Variants in STK32B observed in about 807,000 individuals in gnomAD.
STK32B encodes serine/threonine-protein kinase 32B.
Under a neutral mutation model 52.6 loss-of-function variants are expected in STK32B, and 43 were observed. That is an observed-to-expected ratio of 0.82 (90% CI 0.64 to 1.05). STK32B has a LOEUF of 1.05. Among genes scored for constraint, STK32B ranks in the 50% least tolerant of loss-of-function variants. The pLI, the probability that STK32B is intolerant of heterozygous loss-of-function variation, is 0.00. For synonymous variants in STK32B, 238 were observed against 204.3 expected (o/e 1.17, Z -1.41); for missense variants, 621 against 534.6 (o/e 1.16, Z -1.59).
intron 4 of STK32B, among the ~76,000 whole-genome samples, chr4:5,365,865 A>G (rs553270365): frequency 7.2e-5 from 11 of 152,324 alleles, no homozygotes; most frequent in African/African-American, 2.6e-4. Context: ...GCTGTTAACA[A>G]TCAGGCCGAG....
chr4:5,331,287 TA>T lies in STK32B; in HGVS notation c.329del (p.Tyr110SerfsTer14). Reference protein sequence around the residue: ...VDLLLGGDLRYHLQQNVHFTE... With the variant: ...VDLLLGGDLRXHLQQNVHFTE... ...CCTGCTCCTGGGAGGCGACCTGCGC[TA>T]CCATCTGCAGCAGAATGTGCATTTC... On this transcript the variant is annotated frameshift_variant, in exon 4 of 12. Transcript: ENST00000282908. LOFTEE classifies it high-confidence loss of function. The T allele has an allele frequency of 6.2e-7, 1 of 1,614,020 alleles. No individual in the cohort carries two copies.
In STK32B at chr4:5,392,267, A is replaced by C. The variant is rs530616227; in HGVS notation, c.435-5940A>C. Among the ~76,000 whole-genome samples, 7 of 152,218 alleles carry C rather than the reference A, an allele frequency of 4.6e-5. No homozygotes were observed. The East Asian group carries it at 1.4e-3, about 29-fold the overall frequency. On this transcript the variant is annotated intron_variant, in intron 4 of 11. Transcript: ENST00000282908. The stretch of plus-strand genomic sequence containing the variant: ...ATGGTGATACGCCGTCTCTACTAAA[A>C]ATACAAAATTTAGTCAGGTGTGGTG...
chr4:5,289,308 T>A (rs1369161207), intron 3 of STK32B, among the ~76,000 whole-genome samples: 1 of 152,010 alleles, frequency 6.6e-6, no homozygotes, highest in African/African-American at 2.4e-5. Context: ...GTGAATGGAG[T>A]TGGCAGGCCT....
In STK32B at chr4:5,312,460, C is replaced by G. The variant is rs1007129290; in HGVS notation, c.261-18760C>G. Among the ~76,000 whole-genome samples, 10 of 150,130 alleles carry G rather than the reference C, an allele frequency of 6.7e-5. 1 individual carries two copies. The highest frequency in any genetic ancestry group is 1.2e-4 in the Non-Finnish European group (8 of 67,550). ...CCCTCCCCACACCCCACAACAGTCCCCAGAGTGTGATGTTCCCCTTCCTGC... is the reference window on the plus strand; with the variant it reads ...CCCTCCCCACACCCCACAACAGTCCGCAGAGTGTGATGTTCCCCTTCCTGC... On this transcript the variant is annotated intron_variant, in intron 3 of 11. Coordinates refer to ENST00000282908, the MANE Select transcript of STK32B (RefSeq NM_018401.3).
intron 3 of STK32B, among the ~76,000 whole-genome samples, chr4:5,215,581 T>C (rs1430206101): frequency 6.6e-6 from 1 of 152,176 alleles, no homozygotes; most frequent in Non-Finnish European, 1.5e-5. Flanking sequence ...TGGAATTAAC[T>C]GGGTTTTTTA....
chr4:5,110,335 A>C (rs989679603), intron 1 of STK32B, among the ~76,000 whole-genome samples: 1 of 151,720 alleles, frequency 6.6e-6, no homozygotes, highest in Non-Finnish European at 1.5e-5. Flanking sequence ...ACAAATCTAG[A>C]GACATCACAT....
intron 4 of STK32B, among the ~76,000 whole-genome samples, chr4:5,361,715 A>C (rs139001586): frequency 6.6e-6 from 1 of 152,246 alleles, no homozygotes; most frequent in Admixed American, 6.5e-5. Context: ...CTGGACTAGA[A>C]TTCTATAATA....
chr4:5,167,588 A>AGGGT (rs1718977085), intron 2 of STK32B, among the ~76,000 whole-genome samples: 1 of 152,218 alleles, frequency 6.6e-6, no homozygotes, highest in Non-Finnish European at 1.5e-5. Context: ...CAGCCAGGAA[A>AGGGT]GGGTGTGCTG....
chr4:5,060,654 C>G (rs898953332), intron 1 of STK32B, among the ~76,000 whole-genome samples: 3 of 151,950 alleles, frequency 2.0e-5, no homozygotes, highest in African/African-American at 7.2e-5. Context: ...GAATTAGTTT[C>G]CTTTGATGAA....
At chr4:5,143,703 T>C (rs1716684152) in intron 2 of STK32B, among the ~76,000 whole-genome samples, 1 of 152,122 alleles carries the variant, frequency 6.6e-6, no homozygotes, top group African/African-American at 2.4e-5. Flanking sequence ...TGCCTGGCAC[T>C]CACACTATCC....
At chr4:5,099,546 G>T (rs1053505086) in intron 1 of STK32B, among the ~76,000 whole-genome samples, 5 of 152,128 alleles carry the variant, frequency 3.3e-5, no homozygotes, top group Non-Finnish European at 7.3e-5. Context: ...TTAGGGGAAG[G>T]TCATGGAAGA....
At chr4:5,032,665 A>G in the STK32B span, among the ~76,000 whole-genome samples, 1 of 152,148 alleles carries the variant, frequency 6.6e-6, no homozygotes, top group Non-Finnish European at 1.5e-5. Context: ...AAAATTTATC[A>G]TTTTGACAAT....
chr4:5,466,344 A>G (rs1413765488), intron 9 of STK32B, among the ~76,000 whole-genome samples: 1 of 152,170 alleles, frequency 6.6e-6, no homozygotes, highest in African/African-American at 2.4e-5. Context: ...TGATTTTTAT[A>G]AAAAAGATAG....
intron 3 of STK32B, among the ~76,000 whole-genome samples, chr4:5,274,276 G>A (rs981193836): frequency 4.6e-5 from 7 of 152,036 alleles, no homozygotes; most frequent in South Asian, 2.1e-4. Flanking sequence ...TATTGGTGCC[G>A]AGACACACAA....
At chr4:5,061,358 C>T (rs550729941) in intron 1 of STK32B, among the ~76,000 whole-genome samples, 1 of 152,246 alleles carries the variant, frequency 6.6e-6, no homozygotes, top group Non-Finnish European at 1.5e-5. Context: ...CAAATTCCTG[C>T]TGAAATTCTC....
At chr4:5,083,832 G>A (rs1390113789) in intron 1 of STK32B, among the ~76,000 whole-genome samples, 1 of 151,996 alleles carries the variant, frequency 6.6e-6, no homozygotes, top group East Asian at 1.9e-4. Context: ...CAACTCCTGG[G>A]TTCAAGCAAT....
chr4:5,207,159 T>C (rs1476436130), intron 3 of STK32B, among the ~76,000 whole-genome samples: 1 of 152,202 alleles, frequency 6.6e-6, no homozygotes, highest in Non-Finnish European at 1.5e-5. Context: ...AGAGACAGGA[T>C]GACCCACGAG....
chr4:5,353,164 C>G, intron 4 of STK32B, among the ~76,000 whole-genome samples: 1 of 152,132 alleles, frequency 6.6e-6, no homozygotes, highest in Non-Finnish European at 1.5e-5. Flanking sequence ...GAAACAACAC[C>G]CTCTTCAATA....
rs1553823496 is a variant in STK32B at position 5,099,447 on chromosome 4, T to TATGCGCGCGCGC, written c.53-40458_53-40457insATGCGCGCGCGC. Among the ~76,000 whole-genome samples, 10 of 80,636 alleles carry TATGCGCGCGCGC rather than the reference T, an allele frequency of 1.2e-4. No individual in the cohort carries two copies. The South Asian group carries it at 2.7e-3, about 22-fold the overall frequency. The allele number at this position is 80,636 out of a possible 152,430, so 52.9% of individuals were successfully genotyped here. On this transcript the variant is annotated intron_variant, in intron 1 of 11. Transcript: ENST00000282908. ...CTGCAGTCCTCTGTGTGTGTGTGTG[T>TATGCGCGCGCGC]GTGCGCGCGCGCGTATGTGATGTGT...
Sources: allele counts gnomAD v4.1 joint callset (sites outside exome capture counted in the v4.1 genomes callset), GRCh38; gene constraint gnomAD v4.1.1; transcripts MANE v1.5; gene names NCBI Gene and HGNC (gene_info 2026-07-23, HGNC 2026-07-21).